Variants in NLGN1 observed in about 807,000 individuals in gnomAD.
The protein encoded by NLGN1 is neuroligin-1.
A neutral mutation model predicts 65.5 loss-of-function variants in NLGN1; 12 were observed. The observed-to-expected ratio is 0.18, with a 90% CI of 0.12 to 0.30. The LOEUF is 0.30. Ranked by LOEUF, NLGN1 falls within the 10% of genes least tolerant of loss-of-function variation. The probability of loss-of-function intolerance (pLI) is 1.00; values close to 1 mark genes in which losing one functional copy is unlikely to be tolerated. For missense variants in NLGN1, 750 were observed against 1,007.1 expected, an observed-to-expected ratio of 0.74 and a Z score of 3.46; for synonymous variants, 350 against 359.5, an observed-to-expected ratio of 0.97 and a Z score of 0.30.
chr3:173,930,621 G>A (rs911478403), intron 4 of NLGN1, among the ~76,000 whole-genome samples: 18 of 152,196 alleles, frequency 1.2e-4, no homozygotes, highest in Non-Finnish European at 1.9e-4. Context: ...ATAGAGTTTA[G>A]AGGATGTCTT....
At chr3:173,847,333 C>T (rs191022435) in intron 4 of NLGN1, among the ~76,000 whole-genome samples, 53 of 152,210 alleles carry the variant, frequency 3.5e-4, no homozygotes, top group African/African-American at 3.1e-4. Flanking sequence ...TTACTTAGAT[C>T]TCTCAATGCA....
chr3:173,694,057 A>G lies in NLGN1; in HGVS notation c.493+88966A>G, dbSNP rs144066146. Reference sequence around the variant, plus strand: ...CAGTCCTTAAAAAGTATGAGAACCCAGAGGAAACTGAATCCCAAAGTATCA... The same window carrying G: ...CAGTCCTTAAAAAGTATGAGAACCCGGAGGAAACTGAATCCCAAAGTATCA... On this transcript the variant is annotated intron_variant, in intron 3 of 6. Transcript: ENST00000457714. Among the ~76,000 whole-genome samples the G allele has an allele frequency of 2.0e-5, 3 of 152,178 alleles. No individual in the cohort carries two copies. The East Asian group carries it at 5.8e-4, about 29-fold the overall frequency.
intron 3 of NLGN1, among the ~76,000 whole-genome samples, chr3:173,731,534 A>T (rs139775269): frequency 2.6e-5 from 4 of 152,092 alleles, no homozygotes; most frequent in Non-Finnish European, 5.9e-5. Flanking sequence ...TAAATATGTG[A>T]TAAATAGTAT....
At chr3:173,518,840 C>G (rs541141622) in intron 2 of NLGN1, among the ~76,000 whole-genome samples, 35 of 152,182 alleles carry the variant, frequency 2.3e-4, no homozygotes, top group African/African-American at 7.9e-4. Flanking sequence ...TGCAGAAATT[C>G]GCATAACTAA....
intron 3 of NLGN1, chr3:173,800,253 C>CTT (rs749351861): frequency 4.9e-4 from 301 of 608,618 alleles, no homozygotes; most frequent in South Asian, 1.1e-3. Flanking sequence ...CTTGAATTGT[C>CTT]TTTTTTTTTT....
intron 2 of NLGN1, among the ~76,000 whole-genome samples, chr3:173,500,385 C>T (rs372595632): frequency 4.6e-5 from 7 of 152,274 alleles, no homozygotes; most frequent in South Asian, 4.1e-4. Flanking sequence ...ACCAGCCTTG[C>T]CTCCAAGGGA....
At chr3:173,529,784 G>A (rs1404148901) in intron 2 of NLGN1, among the ~76,000 whole-genome samples, 9 of 152,076 alleles carry the variant, frequency 5.9e-5, no homozygotes, top group Admixed American at 5.9e-4. Flanking sequence ...GCTACTTTGT[G>A]TAGAGAAGGG....
chr3:173,574,666 A>G (rs1745229017), intron 2 of NLGN1, among the ~76,000 whole-genome samples: 1 of 152,162 alleles, frequency 6.6e-6, no homozygotes, highest in Non-Finnish European at 1.5e-5. Context: ...TAGGAATTTT[A>G]TGACTCAAAA....
chr3:173,623,667 C>T (rs114663901), intron 3 of NLGN1, among the ~76,000 whole-genome samples: 1,618 of 152,034 alleles, frequency 0.011, 35 homozygotes, highest in African/African-American at 0.037. Context: ...TTGTGAAGGG[C>T]GTTGAATGCC....
chr3:173,886,946 T>A (rs551799435), intron 4 of NLGN1, among the ~76,000 whole-genome samples: 7 of 152,218 alleles, frequency 4.6e-5, no homozygotes, highest in Admixed American at 3.3e-4. Flanking sequence ...TGGCTCTTTT[T>A]TTCTGATTAG....
intron 2 of NLGN1, among the ~76,000 whole-genome samples, chr3:173,489,563 A>C (rs807159): frequency 0.1 from 15,638 of 152,164 alleles, 904 homozygotes; most frequent in Admixed American, 0.18. Flanking sequence ...ATGTGTCTTT[A>C]TAGCAGCATG....
At chr3:173,655,319 C>G (rs939016994) in intron 3 of NLGN1, among the ~76,000 whole-genome samples, 1 of 152,096 alleles carries the variant, frequency 6.6e-6, no homozygotes, top group Admixed American at 6.6e-5. Context: ...GAGAAGTTTT[C>G]GAGCCTTTAG....
intron 4 of NLGN1, among the ~76,000 whole-genome samples, chr3:173,962,579 A>G (rs1053435288): frequency 6.6e-6 from 1 of 152,132 alleles, no homozygotes; most frequent in African/African-American, 2.4e-5. Flanking sequence ...TGAGTCAAAT[A>G]TTTCCTAACT....
intron 4 of NLGN1, among the ~76,000 whole-genome samples, chr3:173,824,973 A>G (rs1001474402): frequency 2.0e-5 from 3 of 152,034 alleles, no homozygotes; most frequent in Non-Finnish European, 2.9e-5. Context: ...AGGTTCTTTC[A>G]GTTTTGTGAG....
intron 4 of NLGN1, among the ~76,000 whole-genome samples, chr3:173,967,069 A>G (rs888095371): frequency 5.3e-5 from 8 of 152,230 alleles, no homozygotes; most frequent in African/African-American, 1.7e-4. Context: ...GCAGGATCCC[A>G]GGACATCGGC....
intron 4 of NLGN1, among the ~76,000 whole-genome samples, chr3:173,813,435 A>T (rs774674261): frequency 1.3e-5 from 2 of 152,224 alleles, no homozygotes; most frequent in Non-Finnish European, 2.9e-5. Flanking sequence ...ATGTAGAAAG[A>T]AAAAGAGTCA....
At chr3:173,579,415 C>T (rs1202416152) in intron 2 of NLGN1, among the ~76,000 whole-genome samples, 2 of 152,124 alleles carry the variant, frequency 1.3e-5, no homozygotes, top group East Asian at 1.9e-4. Flanking sequence ...AGTTTGAGGC[C>T]GCAGTGAGCC....
At chr3:174,042,308 G>A (rs751413313) in intron 4 of NLGN1, among the ~76,000 whole-genome samples, 3 of 151,972 alleles carry the variant, frequency 2.0e-5, no homozygotes, top group Non-Finnish European at 4.4e-5. Flanking sequence ...AGCCATACAG[G>A]TATCCCCCTG....
intron 4 of NLGN1, among the ~76,000 whole-genome samples, chr3:174,258,938 A>G (rs954752770): frequency 2.0e-5 from 3 of 152,150 alleles, no homozygotes; most frequent in African/African-American, 7.2e-5. Context: ...AAGTTTAGAC[A>G]GTAGCTCTTT....
Sources: gnomAD v4.1 joint callset for allele counts (sites outside exome capture counted in the v4.1 genomes callset) on GRCh38, gnomAD v4.1.1 for gene constraint, MANE v1.5 for transcripts, NCBI Gene and HGNC (gene_info 2026-07-23, HGNC 2026-07-21) for gene names.